CYP4A22: variants seen among roughly 807,000 people sequenced by gnomAD.
CYP4A22 encodes cytochrome P450 4A22.
A neutral mutation model predicts 56.2 loss-of-function variants in CYP4A22; 46 were observed. The ratio of observed to expected loss-of-function variants is 0.82; its 90% confidence interval spans 0.65 to 1.05. CYP4A22 has a LOEUF of 1.05. Ranked by LOEUF, CYP4A22 falls within the 50% of genes least tolerant of loss-of-function variation. The pLI is 0.00. For missense variants in CYP4A22, 541 were observed against 645.9 expected (o/e 0.84, Z 1.76); for synonymous variants, 193 against 251.1 (o/e 0.77, Z 2.19).
At chr1:47,143,233 G>T (rs1557647277) in intron 4 of CYP4A22, 36 bp from the exon 5 acceptor site, 1 of 1,569,522 alleles carries the variant, frequency 6.4e-7, no homozygotes, top group East Asian at 2.3e-5. Context: ...AGCACTTCTT[G>T]GAGATTAAGA....
intron 1 of CYP4A22, 119 bp downstream of exon 1, chr1:47,137,799 C>A: frequency 7.1e-7 from 1 of 1,417,776 alleles, no homozygotes; most frequent in Non-Finnish European, 9.3e-7. Context: ...CTCATAGGAA[C>A]ACCCAGCCTA....
intron 1 of CYP4A22, among the ~76,000 whole-genome samples, chr1:47,138,746 T>C (rs1362256696): frequency 6.6e-6 from 1 of 152,046 alleles, no homozygotes; most frequent in Non-Finnish European, 1.5e-5. Flanking sequence ...ACACCAGGTG[T>C]AGAGGAACAG....
Position 47,144,911 on chromosome 1 carries a change from G to C in CYP4A22, c.1163G>C (p.Gly388Ala). Residue 388 changes from glycine (G) to alanine (A), a missense_variant, in exon 9 of 12, where the codon GGC becomes GCC. Physicochemically the swap from Gly to Ala is moderately conservative, Grantham distance 60. Coordinates refer to ENST00000371891, the MANE Select transcript of CYP4A22 (RefSeq NM_001010969.4). ...EALRLYPPVP[G>A]IGRELSTPVT... ...CTGAGGCTCTACCCACCGGTGCCAGGCATTGGAAGAGAGCTCAGCACTCCC... is the reference window on the plus strand; with the variant it reads ...CTGAGGCTCTACCCACCGGTGCCAGCCATTGGAAGAGAGCTCAGCACTCCC... 6.2e-7 allele frequency: 1 copy of C among 1,614,162 alleles called. No individual in the cohort carries two copies. Among genetic ancestry groups the C allele is most frequent in the South Asian group, 1.1e-5 (1 of 91,072 alleles).
At chr1:47,142,020 C>G (rs781039873) in intron 3 of CYP4A22, 88 bp from the exon 4 acceptor site, 48 of 1,521,626 alleles carry the variant, frequency 3.2e-5, no homozygotes, top group Non-Finnish European at 4.2e-5. Flanking sequence ...CAGGAAGCCA[C>G]CTTTCTCCCT....
At chr1:47,143,670 C>G in intron 5 of CYP4A22, 92 bp from the exon 6 acceptor site, 1 of 1,493,824 alleles carries the variant, frequency 6.7e-7, no homozygotes, top group Non-Finnish European at 9.0e-7. Flanking sequence ...TGCTTGTCCC[C>G]ATTATCCGAG....
chr1:47,141,444 A>G (rs1645008012), intron 2 of CYP4A22, 127 bp from the exon 3 acceptor site: 1 of 1,031,586 alleles, frequency 9.7e-7, no homozygotes, highest in African/African-American at 1.6e-5. Flanking sequence ...ATAGAAGTGG[A>G]TGGGAGTCAA....
chr1:47,146,177 G>C lies in CYP4A22; in HGVS notation c.1364+24G>C, dbSNP rs911908. 12,687 of 1,613,374 alleles carry C rather than the reference G, an allele frequency of 7.9e-3. 69 individuals are homozygous for C. Among genetic ancestry groups the C allele is most frequent in the Non-Finnish European group, 9.4e-3 (11,085 of 1,179,474 alleles). ...AGGTGAGACGTCCTGTGTGGTAATT[G>C]GAATAGAGAAATGAGGGAAGTCTCT... On this transcript the variant is annotated intron_variant, in intron 11 of 11. Transcript: ENST00000371891.
rs1569791608 is a variant in CYP4A22 at position 47,137,945 on chromosome 1, G to C, written c.195+265G>C. ...GTGTCTTGGCAGTCCTGCACATGGA[G>C]GGCAATGCCTGATTGTCTCCAGACT... On this transcript the variant is annotated intron_variant, in intron 1 of 11. Coordinates refer to ENST00000371891, the MANE Select transcript of CYP4A22 (RefSeq NM_001010969.4). Among the ~76,000 whole-genome samples, 3 of 129,842 alleles carry C rather than the reference G, an allele frequency of 2.3e-5. No individual in the cohort carries two copies. The South Asian group carries it at 8.0e-4, about 35-fold the overall frequency. 85.2% of individuals were successfully genotyped at this position (129,842 alleles called of 152,430 possible).
At chr1:47,138,309 G>A (rs1023381615) in intron 1 of CYP4A22, among the ~76,000 whole-genome samples, 1 of 152,266 alleles carries the variant, frequency 6.6e-6, no homozygotes, top group Middle Eastern at 3.4e-3. Context: ...ACAATTGTGG[G>A]TACACATGAA....
At chr1:47,142,011 A>G in intron 3 of CYP4A22, 97 bp from the exon 4 acceptor site, 1 of 1,511,286 alleles carries the variant, frequency 6.6e-7, no homozygotes, top group Non-Finnish European at 8.9e-7. Flanking sequence ...TTCTTCCCCC[A>G]GGAAGCCACC....
chr1:47,148,695 G>A lies in CYP4A22; in HGVS notation c.1458G>A (p.Arg486=), dbSNP rs769957419. 1 of 1,614,070 alleles carries A rather than the reference G, an allele frequency of 6.2e-7. No homozygotes were observed. The highest frequency in any genetic ancestry group is 1.1e-5 in the South Asian group (1 of 91,068). The change falls in exon 12 of 12, where the codon AGG becomes AGA. Residue 486 remains arginine, a synonymous_variant. Transcript: ENST00000371891. ...LRFELLPDPT[R]IPIPMARLVL... is the part of the protein sequence containing the mutation. ...TTGAGCTGCTGCCTGATCCCACCAG[G>A]ATCCCCATCCCCATGGCACGACTTG...
At chr1:47,142,808 T>A (rs1433685958) in intron 4 of CYP4A22, among the ~76,000 whole-genome samples, 7 of 152,234 alleles carry the variant, frequency 4.6e-5, no homozygotes, top group Admixed American at 3.9e-4. Context: ...GAAGTCCCTG[T>A]TTTCTCTACA....
chr1:47,142,524 C>T (rs1335230820), intron 4 of CYP4A22, among the ~76,000 whole-genome samples: 1 of 152,220 alleles, frequency 6.6e-6, no homozygotes, highest in Non-Finnish European at 1.5e-5. Context: ...GGACTGGAGG[C>T]ATATGCAATC....
rs1318755481 is a variant in CYP4A22, at chr1:47,147,297, A to C, written c.1364+1144A>C. On this transcript the variant is annotated intron_variant, in intron 11 of 11. Coordinates refer to ENST00000371891, the MANE Select transcript of CYP4A22 (RefSeq NM_001010969.4). Reference sequence around the variant, plus strand: ...ACTAGAGAACCGGAGAGCATTCCTAAGCTCCATTTCTAGCTCAGAACTAAT... The same window carrying C: ...ACTAGAGAACCGGAGAGCATTCCTACGCTCCATTTCTAGCTCAGAACTAAT... 7 of 985,328 alleles carry C rather than the reference A, an allele frequency of 7.1e-6. No individual in the cohort carries two copies. In the African/African-American group the frequency reaches 1.2e-4, roughly 17 times the overall value. The allele number at this position is 985,328 out of a possible 1,614,324, so 61.0% of individuals were successfully genotyped here.
chr1:47,142,363 T>G, intron 4 of CYP4A22, 128 bp downstream of exon 4: 1 of 1,395,098 alleles, frequency 7.2e-7, no homozygotes, highest in African/African-American at 1.5e-5. Flanking sequence ...CTCAGGTCAT[T>G]GCTGTGAGAG....
chr1:47,143,984 A>G, intron 6 of CYP4A22, 68 bp downstream of exon 6: 1 of 1,538,264 alleles, frequency 6.5e-7, no homozygotes, highest in Non-Finnish European at 8.8e-7. Flanking sequence ...CTGACTCCTC[A>G]GGCAGAGAAG....
chr1:47,147,464 A>T (rs1209427383), intron 11 of CYP4A22: 1 of 973,082 alleles, frequency 1.0e-6, no homozygotes, highest in East Asian at 1.1e-4. Flanking sequence ...AAAAGGTACA[A>T]AAATGTGTTG....
Position 47,144,348 on chromosome 1 carries a change from C to T in CYP4A22, c.791-9C>T, listed in dbSNP as rs1289701019. On this transcript the variant is annotated splice_polypyrimidine_tract_variant and intron_variant, in intron 6 of 11. Coordinates refer to ENST00000371891, the MANE Select transcript of CYP4A22 (RefSeq NM_001010969.4). ...TCAGCTCTGCCTGGTAACCATTGTT[C>T]TGGTACAGACCAAGTGATCCAACTG... is the stretch of plus-strand genomic sequence containing the variant. 6.2e-7 allele frequency: 1 copy of T among 1,613,730 alleles called. No individual in the cohort carries two copies. Among genetic ancestry groups the T allele is most frequent in the African/African-American group, 1.3e-5 (1 of 75,044 alleles).
In CYP4A22 at chr1:47,142,033, C is replaced by G. The variant is rs1569802832; in HGVS notation, c.383-75C>G. On this transcript the variant is annotated intron_variant, in intron 3 of 11. Coordinates refer to ENST00000371891, the MANE Select transcript of CYP4A22 (RefSeq NM_001010969.4). ...CCCAGGAAGCCACCTTTCTCCCTCCCAAATTGTCACCAGTCATCCCTAGGT... is the reference window on the plus strand; with the variant it reads ...CCCAGGAAGCCACCTTTCTCCCTCCGAAATTGTCACCAGTCATCCCTAGGT... 5 of 1,530,914 alleles carry G rather than the reference C, an allele frequency of 3.3e-6. No homozygotes were observed. The East Asian group carries it at 1.2e-4, about 36-fold the overall frequency. 94.8% of individuals were successfully genotyped at this position (1,530,914 alleles called of 1,614,324 possible).
Sources: allele counts gnomAD v4.1 joint callset (sites outside exome capture counted in the v4.1 genomes callset), GRCh38; gene constraint gnomAD v4.1.1; transcripts MANE v1.5; gene names NCBI Gene and HGNC (gene_info 2026-07-23, HGNC 2026-07-21).